ZEB1: variants seen among roughly 807,000 people sequenced by gnomAD.
ZEB1 encodes the protein zinc finger E-box binding homeobox 1.
ZEB1 carries 21 observed loss-of-function variants against 84.9 expected under a neutral mutation model. The observed-to-expected ratio is 0.25, with a 90% CI of 0.18 to 0.36. The LOEUF is 0.36. Ranked by LOEUF, ZEB1 falls within the 10% of genes least tolerant of loss-of-function variation. The pLI, the probability that ZEB1 is intolerant of heterozygous loss-of-function variation, is 1.00. For synonymous variants in ZEB1, 420 were observed against 471.1 expected, an observed-to-expected ratio of 0.89 and a Z score of 1.41; for missense variants, 1,104 against 1,330.2, an observed-to-expected ratio of 0.83 and a Z score of 2.65.
intron 1 of ZEB1, among the ~76,000 whole-genome samples, chr10:31,442,074 T>C (rs965000263): frequency 4.6e-5 from 7 of 152,092 alleles, no homozygotes; most frequent in Non-Finnish European, 8.8e-5. Flanking sequence ...ACCCAAAGGA[T>C]TATAAATCAT....
intron 1 of ZEB1, among the ~76,000 whole-genome samples, chr10:31,394,688 A>G (rs982262833): frequency 6.6e-5 from 10 of 152,212 alleles, no homozygotes; most frequent in African/African-American, 2.2e-4. Context: ...ATTTATCCAT[A>G]TTGTTGACTG....
chr10:31,421,487 G>A (rs1378015797), intron 1 of ZEB1, among the ~76,000 whole-genome samples: 1 of 152,116 alleles, frequency 6.6e-6, no homozygotes. Context: ...AAGGCTGTCA[G>A]GCGTCTGCTG....
intron 1 of ZEB1, among the ~76,000 whole-genome samples, chr10:31,416,806 A>G (rs941864957): frequency 6.6e-6 from 1 of 152,138 alleles, no homozygotes; most frequent in Non-Finnish European, 1.5e-5. Context: ...TTCATCAAAC[A>G]TCTTCTTGAT....
intron 1 of ZEB1, among the ~76,000 whole-genome samples, chr10:31,379,460 T>C (rs958876147): frequency 1.3e-5 from 2 of 151,884 alleles, no homozygotes; most frequent in Admixed American, 1.3e-4. Flanking sequence ...TATATATATA[T>C]ACATATATAT....
chr10:31,331,077 C>CTT lies in ZEB1; in HGVS notation c.58+11787_58+11788dup, dbSNP rs1238584690. Among the ~76,000 whole-genome samples, 30 of 89,056 alleles carry CTT rather than the reference C, an allele frequency of 3.4e-4. 1 individual carries two copies. Among genetic ancestry groups the CTT allele is most frequent in the African/African-American group, 1.5e-3 (28 of 18,634 alleles). The allele number at this position is 89,056 out of a possible 152,430, so 58.4% of individuals were successfully genotyped here. A position where few individuals can be genotyped will look rare whatever the true frequency, so the allele number is the denominator to read the frequency against. On this transcript the variant is annotated intron_variant, in intron 1 of 8. Coordinates refer to ENST00000424869, the MANE Select transcript of ZEB1 (RefSeq NM_001174096.2). ...TTTCATTTTCTTTTCTTTTTTCTTT[C>CTT]TTTCTTTTTTTTTTTTTTTTTTTTT...
At chr10:31,449,022 C>T (rs904232805) in intron 1 of ZEB1, among the ~76,000 whole-genome samples, 67 of 152,258 alleles carry the variant, frequency 4.4e-4, no homozygotes, top group East Asian at 7.7e-4. Flanking sequence ...CTCGCTGCCG[C>T]CTTGCAGTTT....
chr10:31,462,502 G>A lies in ZEB1; in HGVS notation c.259+1265G>A, dbSNP rs377383090. Among the ~76,000 whole-genome samples, 38 of 152,292 alleles carry A rather than the reference G, an allele frequency of 2.5e-4. No homozygotes were observed. The East Asian group carries it at 3.3e-3, about 13-fold the overall frequency. On this transcript the variant is annotated intron_variant, in intron 2 of 8. Coordinates refer to ENST00000424869, the MANE Select transcript of ZEB1 (RefSeq NM_001174096.2). ...CGAATTAGAGAAGGAAGGAGAAGTC[G>A]TAGAAGAGTTCTGAGTGAAACAGAG...
In ZEB1 at chr10:31,431,541, T is replaced by G. The variant is rs201586003; in HGVS notation, c.59-29496T>G. On this transcript the variant is annotated intron_variant, in intron 1 of 8. Coordinates refer to ENST00000424869, the MANE Select transcript of ZEB1 (RefSeq NM_001174096.2). ...AACAAAATTTATTTTAAATTTTAGT[T>G]TTAATAAGCTTTTTTAAACTCCGCA... Among the ~76,000 whole-genome samples, 22 of 152,260 alleles carry G rather than the reference T, an allele frequency of 1.4e-4. No individual in the cohort carries two copies. The East Asian group carries it at 4.2e-3, about 29-fold the overall frequency.
chr10:31,337,942 C>A (rs1051721003), intron 1 of ZEB1, among the ~76,000 whole-genome samples: 3 of 152,106 alleles, frequency 2.0e-5, no homozygotes, highest in East Asian at 1.9e-4. Context: ...CTTGGCCTCC[C>A]ATAGTGTTGG....
rs1296690351 is a variant in ZEB1, at chr10:31,521,243, G to A, written c.1911G>A (p.Gln637=). ...GGTTTGAAAAGATGCAAGCTGGACA[G>A]ATTTCAGTGCAGTCTTCTGAACCAT... The part of the protein sequence containing the change: ...KKWFEKMQAG[Q]ISVQSSEPSS... Residue 637 remains glutamine, a synonymous_variant, in exon 7 of 9, where the codon CAG becomes CAA. Coordinates refer to ENST00000424869, the MANE Select transcript of ZEB1 (RefSeq NM_001174096.2). 6.2e-7 allele frequency: 1 copy of A among 1,613,972 alleles called. No homozygotes were observed. Among genetic ancestry groups the A allele is most frequent in the Non-Finnish European group, 8.5e-7 (1 of 1,180,026 alleles).
intron 2 of ZEB1, among the ~76,000 whole-genome samples, chr10:31,487,688 C>T (rs180919306): frequency 3.3e-5 from 5 of 151,432 alleles, no homozygotes; most frequent in Admixed American, 1.3e-4. Flanking sequence ...AACGGACATT[C>T]TTGGCTTTTT....
At chr10:31,465,604 A>G (rs2062322288) in intron 2 of ZEB1, among the ~76,000 whole-genome samples, 2 of 152,126 alleles carry the variant, frequency 1.3e-5, no homozygotes, top group Non-Finnish European at 2.9e-5. Context: ...TAATCAAAAT[A>G]CATTGTTACT....
chr10:31,346,061 C>T (rs1008944284), intron 1 of ZEB1, among the ~76,000 whole-genome samples: 5 of 152,066 alleles, frequency 3.3e-5, no homozygotes, highest in East Asian at 1.9e-4. Context: ...GCAGAAGCTA[C>T]GATTTTCTTA....
chr10:31,470,115 AAACAG>A (rs2063011937), intron 2 of ZEB1, among the ~76,000 whole-genome samples: 1 of 152,226 alleles, frequency 6.6e-6, no homozygotes, highest in South Asian at 2.1e-4. Flanking sequence ...GATGGGGAAA[AAACAG>A]AACAGAAAAA....
chr10:31,397,159 TTTATTATTATTATTA>T (rs200770494), intron 1 of ZEB1, among the ~76,000 whole-genome samples: 52 of 128,356 alleles, frequency 4.1e-4, no homozygotes, highest in African/African-American at 1.1e-3. Flanking sequence ...TCTTGGGTTT[TTTATTATTATTATTA>T]TTATTATTAT....
At chr10:31,500,690 C>CT (rs965011419) in intron 3 of ZEB1, among the ~76,000 whole-genome samples, 11 of 152,052 alleles carry the variant, frequency 7.2e-5, no homozygotes, top group African/African-American at 2.2e-4. Context: ...CGCCTTTTCT[C>CT]TTTTTTTCTT....
At chr10:31,355,991 T>G (rs141361477) in intron 1 of ZEB1, among the ~76,000 whole-genome samples, 1 of 152,186 alleles carries the variant, frequency 6.6e-6, no homozygotes, top group Non-Finnish European at 1.5e-5. Flanking sequence ...GTTACAGCAG[T>G]GGAGCTGGAG....
rs1226555192 is a variant in ZEB1 at position 31,457,155 on chromosome 10, GA to G, written c.59-3881del. Reference sequence around the variant, plus strand: ...TGATCACCTATGATTGTTATTTTCAGATAAACTATACTATATTTTCAGCCAC... The same window carrying G: ...TGATCACCTATGATTGTTATTTTCAGTAAACTATACTATATTTTCAGCCAC... On this transcript the variant is annotated intron_variant, in intron 1 of 8. Transcript: ENST00000424869. Among the ~76,000 whole-genome samples, 5 of 152,174 alleles carry G rather than the reference GA, an allele frequency of 3.3e-5. No homozygotes were observed. The East Asian group carries it at 9.7e-4, about 29-fold the overall frequency.
intron 2 of ZEB1, among the ~76,000 whole-genome samples, chr10:31,488,967 A>G (rs1305457273): frequency 1.3e-5 from 2 of 151,308 alleles, no homozygotes; most frequent in Non-Finnish European, 3.0e-5. Context: ...CTATAAATCT[A>G]TAAATGTTAT....
Sources: gnomAD v4.1 joint callset for allele counts (sites outside exome capture counted in the v4.1 genomes callset) on GRCh38, gnomAD v4.1.1 for gene constraint, MANE v1.5 for transcripts, NCBI Gene and HGNC (gene_info 2026-07-23, HGNC 2026-07-21) for gene names.